Variants in IGDCC3 observed in about 807,000 individuals in gnomAD.
The protein encoded by IGDCC3 is putative neuronal cell adhesion molecule.
Under a neutral mutation model 72.0 loss-of-function variants are expected in IGDCC3, and 47 were observed. That is an observed-to-expected ratio of 0.65 (90% confidence interval 0.52 to 0.83). The LOEUF (loss-of-function observed/expected upper bound fraction) is 0.83. Ranked by LOEUF, IGDCC3 falls within the 40% of genes least tolerant of loss-of-function variation. The pLI, the probability that IGDCC3 is intolerant of heterozygous loss-of-function variation, is 0.00. For synonymous variants in IGDCC3, 477 were observed against 472.8 expected (o/e 1.01, Z -0.11); for missense variants, 1,038 against 1,091.3 (o/e 0.95, Z 0.69).
chr15:65,330,368 G>A lies in IGDCC3; in HGVS notation c.1783C>T (p.Leu595Phe). The A allele has an allele frequency of 6.2e-7, 1 of 1,614,044 alleles. No individual in the cohort carries two copies. The highest frequency in any genetic ancestry group is 8.5e-7 in the Non-Finnish European group (1 of 1,179,934). ...CCATCTCCATGCTGGTTGTAGGCGA[G>A]CAGCTTCACCTCATACACTGCAGTG... ...DPTAVYEVKL[L>F]AYNQHGDGNA... is the part of the protein sequence containing the mutation. Residue 595 changes from leucine to phenylalanine, a missense_variant, in exon 11 of 14, where the codon CTC (leucine) becomes TTC (phenylalanine). Coordinates refer to ENST00000327987, the MANE Select transcript of IGDCC3 (RefSeq NM_004884.4).
At chr15:65,365,174 C>G (rs1424216773) in intron 2 of IGDCC3, among the ~76,000 whole-genome samples, 1 of 152,046 alleles carries the variant, frequency 6.6e-6, no homozygotes, top group Non-Finnish European at 1.5e-5. Context: ...ACCAGGAGAC[C>G]GGGAAGACCC....
At chr15:65,367,180 C>T (rs1321265265) in intron 2 of IGDCC3, among the ~76,000 whole-genome samples, 1 of 151,974 alleles carries the variant, frequency 6.6e-6, no homozygotes, top group African/African-American at 2.4e-5. Context: ...CCCGTCTCTA[C>T]TAAAAATACA....
intron 9 of IGDCC3, 28 bp downstream of exon 9, chr15:65,331,022 G>T: frequency 6.2e-7 from 1 of 1,610,094 alleles, no homozygotes; most frequent in Non-Finnish European, 8.5e-7. Flanking sequence ...GAGTGCCTGT[G>T]GTTTTGTGCT....
At chr15:65,366,068 C>T (rs541969083) in intron 2 of IGDCC3, among the ~76,000 whole-genome samples, 28 of 152,046 alleles carry the variant, frequency 1.8e-4, no homozygotes, top group Non-Finnish European at 3.7e-4. Flanking sequence ...ATTGGCTGGG[C>T]GTGGTGGCAG....
chr15:65,336,949 C>T (rs1039647452), intron 2 of IGDCC3, among the ~76,000 whole-genome samples: 1 of 152,180 alleles, frequency 6.6e-6, no homozygotes, highest in Admixed American at 6.5e-5. Context: ...TCTGTCCAGG[C>T]AGGCAGCCCC....
chr15:65,339,846 G>C lies in IGDCC3; in HGVS notation c.410-3890C>G, dbSNP rs1408026265. On this transcript the variant is annotated intron_variant, in intron 2 of 13. Transcript: ENST00000327987. This position sits in a 1 kb window ranked among gnomAD's most constrained non-coding sequence, Gnocchi z 4.1. ...ACTCCTGCGGATATCTGTTGGTCTGGTAGGGACAGTTTTGGGTCCCTCACT... is the reference window on the plus strand; with the variant it reads ...ACTCCTGCGGATATCTGTTGGTCTGCTAGGGACAGTTTTGGGTCCCTCACT... Among the ~76,000 whole-genome samples, 1 of 152,230 alleles carries C rather than the reference G, an allele frequency of 6.6e-6. No homozygotes were observed. Among genetic ancestry groups the C allele is most frequent in the African/African-American group, 2.4e-5 (1 of 41,454 alleles).
chr15:65,346,083 GCAGGCTT>G (rs1453281375), intron 2 of IGDCC3, among the ~76,000 whole-genome samples: 1 of 152,184 alleles, frequency 6.6e-6, no homozygotes, highest in Non-Finnish European at 1.5e-5. Flanking sequence ...CCATGACACA[GCAGGCTT>G]CACTTCGACT....
intron 2 of IGDCC3, chr15:65,355,769 G>C (rs1187211332): frequency 2.2e-6 from 1 of 453,608 alleles, no homozygotes; most frequent in Non-Finnish European, 4.4e-6. Context: ...TGTGCGCGGC[G>C]AATGGAGAAA....
intron 2 of IGDCC3, among the ~76,000 whole-genome samples, chr15:65,343,244 T>A (rs74893017): frequency 6.6e-6 from 1 of 152,214 alleles, no homozygotes; most frequent in East Asian, 1.9e-4. Flanking sequence ...ACTGAGAGAT[T>A]GTGGAAGAGC....
intron 2 of IGDCC3, among the ~76,000 whole-genome samples, chr15:65,354,549 G>A (rs117615543): frequency 7.3e-4 from 111 of 152,246 alleles, no homozygotes; most frequent in Non-Finnish European, 9.7e-4. Flanking sequence ...CTGTTGATGC[G>A]TCTATCTGCC....
chr15:65,361,990 G>A (rs1188871475), intron 2 of IGDCC3, among the ~76,000 whole-genome samples: 2 of 152,176 alleles, frequency 1.3e-5, no homozygotes, highest in African/African-American at 2.4e-5. Context: ...CTTTGGACAC[G>A]TGCGCGGGCA....
chr15:65,332,683 G>A (rs931900014), intron 6 of IGDCC3, among the ~76,000 whole-genome samples: 2 of 152,230 alleles, frequency 1.3e-5, no homozygotes, highest in Non-Finnish European at 2.9e-5. Context: ...GTCTCCGGTA[G>A]GGAACAACCA....
In IGDCC3 at chr15:65,356,936, G is replaced by A. The variant is rs139700403; in HGVS notation, c.409+18161C>T. 3.5e-5 allele frequency among the ~76,000 whole-genome samples: 5 copies of A among 142,474 alleles called. No homozygotes were observed. The East Asian group carries it at 1.0e-3, about 30-fold the overall frequency. 93.5% of individuals were successfully genotyped at this position (142,474 alleles called of 152,430 possible). A position where few individuals can be genotyped will look rare whatever the true frequency, so the allele number is the denominator to read the frequency against. On this transcript the variant is annotated intron_variant, in intron 2 of 13. Coordinates refer to ENST00000327987, the MANE Select transcript of IGDCC3 (RefSeq NM_004884.4). The stretch of plus-strand genomic sequence containing the variant: ...CTGATCTCGGCTCACTGCAACTTCT[G>A]CCTCCTGGATTCAAGCGATTCCCTT...
chr15:65,333,469 A>T lies in IGDCC3; in HGVS notation c.824-54T>A, dbSNP rs971952730. 5.4e-6 allele frequency: 8 copies of T among 1,470,814 alleles called. No individual in the cohort carries two copies. The African/African-American group carries it at 9.9e-5, about 18-fold the overall frequency. The allele number at this position is 1,470,814 out of a possible 1,614,324, so 91.1% of individuals were successfully genotyped here. A position where few individuals can be genotyped will look rare whatever the true frequency, so the allele number is the denominator to read the frequency against. Reference sequence around the variant, plus strand: ...GAGGGTCAGATAGAGATATGGAAGAAGGAAAGTAAAGGAAACTTCCAGATG... The same window carrying T: ...GAGGGTCAGATAGAGATATGGAAGATGGAAAGTAAAGGAAACTTCCAGATG... On this transcript the variant is annotated intron_variant, in intron 5 of 13. Transcript: ENST00000327987.
Position 65,329,435 on chromosome 15 carries a change from C to T in IGDCC3, c.2160G>A (p.Leu720=). The T allele has an allele frequency of 6.2e-7, 1 of 1,606,764 alleles. No individual in the cohort carries two copies. The highest frequency in any genetic ancestry group is 2.2e-5 in the East Asian group (1 of 44,802). ...GCCCTGCTGCGCTGGCCGGGGGGAACAGCTGCTCCAGCTCCTTCATATCCA... is the reference window on the plus strand; with the variant it reads ...GCCCTGCTGCGCTGGCCGGGGGGAATAGCTGCTCCAGCTCCTTCATATCCA... ...KRVDMKELEQ[L]FPPASAAGQP... Residue 720 remains leucine, a synonymous_variant, in exon 13 of 14, where the codon CTG becomes CTA. Transcript: ENST00000327987. The surrounding 1 kb of genome is among the most constrained non-coding windows in gnomAD (Gnocchi z 4.1).
chr15:65,336,963 T>A (rs2091035121), intron 2 of IGDCC3, among the ~76,000 whole-genome samples: 1 of 152,066 alleles, frequency 6.6e-6, no homozygotes, highest in Non-Finnish European at 1.5e-5. Flanking sequence ...CAGCCCCTCG[T>A]CTCAGGCACT....
At chr15:65,373,646 G>C (rs1169890705) in intron 2 of IGDCC3, 2 of 152,708 alleles carry the variant, frequency 1.3e-5, no homozygotes, top group East Asian at 3.8e-4. Flanking sequence ...GTGGGTTCAG[G>C]CTGCCCAGAT....
intron 2 of IGDCC3, among the ~76,000 whole-genome samples, chr15:65,370,588 GTA>G (rs1453455277): frequency 1.8e-5 from 2 of 112,766 alleles, no homozygotes; most frequent in Admixed American, 9.9e-5. Flanking sequence ...ATATATGTAT[GTA>G]TATATATGTA....
rs1595749650 is a variant in IGDCC3, at chr15:65,331,928, A to C, written c.1148+13T>G. On this transcript the variant is annotated intron_variant, in intron 7 of 13. Transcript: ENST00000327987. ...TCCCCTGGTCCTCACCCCAGCACACACCACACACATACCTGTTGTTATTCT... is the reference window on the plus strand; with the variant it reads ...TCCCCTGGTCCTCACCCCAGCACACCCCACACACATACCTGTTGTTATTCT... The C allele has an allele frequency of 2.5e-6, 4 of 1,610,890 alleles. No homozygotes were observed. The highest frequency in any genetic ancestry group is 3.4e-6 in the Non-Finnish European group (4 of 1,179,192).
Sources: allele counts gnomAD v4.1 joint callset (sites outside exome capture counted in the v4.1 genomes callset), GRCh38; gene constraint gnomAD v4.1.1; non-coding constraint Gnocchi (gnomAD v3.1); transcripts MANE v1.5; gene names NCBI Gene and HGNC (gene_info 2026-07-23, HGNC 2026-07-21).